The following DIP2C variants were observed in gnomAD, a reference collection of about 807,000 sequenced individuals.
DIP2C encodes DIP2 acetate--CoA ligase C (putative).
DIP2C carries 33 observed loss-of-function variants against 192.4 expected under a neutral mutation model. The observed-to-expected ratio is 0.17, with a 90% CI of 0.13 to 0.23. The LOEUF (loss-of-function observed/expected upper bound fraction) is 0.23, where lower values mean the gene tolerates loss of function less well. Ranked by LOEUF, DIP2C falls within the 10% of genes least tolerant of loss-of-function variation. The pLI, the probability that DIP2C is intolerant of heterozygous loss-of-function variation, is 1.00. For synonymous variants in DIP2C, 979 were observed against 864.1 expected, an observed-to-expected ratio of 1.13 and a Z score of -2.33; for missense variants, 1,537 against 2,110.1, an observed-to-expected ratio of 0.73 and a Z score of 5.32.
intron 34 of DIP2C, among the ~76,000 whole-genome samples, chr10:285,083 G>C (rs548603135): frequency 1.8e-4 from 27 of 149,856 alleles, no homozygotes; most frequent in Middle Eastern, 7.0e-3. Flanking sequence ...CTAAGTGAGA[G>C]CTGCACAGAA....
At chr10:519,749 AAC>A (rs1211362788) in intron 1 of DIP2C, among the ~76,000 whole-genome samples, 1 of 152,214 alleles carries the variant, frequency 6.6e-6, no homozygotes, top group Non-Finnish European at 1.5e-5. Context: ...GCTCATCGCT[AAC>A]ACTTTCTCTG....
chr10:522,895 A>ACGCT (rs1846800018), intron 1 of DIP2C, among the ~76,000 whole-genome samples: 1 of 152,016 alleles, frequency 6.6e-6, no homozygotes. Flanking sequence ...CATGACCAAC[A>ACGCT]CGCTCGTTTC....
intron 1 of DIP2C, among the ~76,000 whole-genome samples, chr10:584,714 G>A (rs12412623): frequency 2.6e-4 from 14 of 54,764 alleles, no homozygotes; most frequent in African/African-American, 2.5e-4. Context: ...CGGGGCCCGC[G>A]ACCTGACCCC....
intron 4 of DIP2C, among the ~76,000 whole-genome samples, chr10:429,673 G>A (rs561339892): frequency 1.3e-5 from 2 of 151,630 alleles, no homozygotes; most frequent in Admixed American, 1.3e-4. Context: ...CTAAGTGAAA[G>A]AAGTCAATTT....
chr10:430,575 TAA>T (rs1966847631), intron 4 of DIP2C: 1 of 152,362 alleles, frequency 6.6e-6, no homozygotes, highest in African/African-American at 2.4e-5. Context: ...ATATTTCAAA[TAA>T]AAGTTATCAT....
At chr10:597,476 G>T (rs1424651788) in intron 1 of DIP2C, among the ~76,000 whole-genome samples, 1 of 152,224 alleles carries the variant, frequency 6.6e-6, no homozygotes, top group East Asian at 1.9e-4. Context: ...GTGGAAAGGT[G>T]AATGGAGACC....
In DIP2C at chr10:384,635, A is replaced by G; in HGVS notation, c.1667T>C (p.Val556Ala). The G allele has an allele frequency of 1.2e-6, 2 of 1,613,824 alleles. No individual in the cohort carries two copies. Among genetic ancestry groups the G allele is most frequent in the Non-Finnish European group, 8.5e-7 (1 of 1,179,998 alleles). Residue 556 changes from valine (V) to alanine (A), a missense_variant, in exon 15 of 37, where the codon GTC becomes GCC. Transcript: ENST00000280886. ...GCTGATCACATGCATCATGTTCATG[A>G]CGCTCTGCAATCAACAAAGGAACAC... ...VGLWHGILTS[V>A]MNMMHVISIP...
At chr10:361,593 G>A (rs948641478) in intron 22 of DIP2C, among the ~76,000 whole-genome samples, 15 of 152,234 alleles carry the variant, frequency 9.9e-5, no homozygotes, top group Non-Finnish European at 2.2e-4. Context: ...GGGTTGCTGG[G>A]TTGAGAGTGT....
chr10:415,628 C>T (rs1414998728), intron 7 of DIP2C, 141 bp downstream of exon 7: 2 of 1,151,006 alleles, frequency 1.7e-6, no homozygotes, highest in Non-Finnish European at 2.5e-6. Context: ...ACATCACCCG[C>T]TCCCTACCTG....
At chr10:366,523 G>C in intron 18 of DIP2C, 112 bp from the exon 19 acceptor site, 1 of 1,441,584 alleles carries the variant, frequency 6.9e-7, no homozygotes, top group South Asian at 1.3e-5. Context: ...ATGGGGTCTG[G>C]AGCAAAACTG....
At chr10:343,080 G>T (rs1564585335) in intron 28 of DIP2C, among the ~76,000 whole-genome samples, 1 of 152,194 alleles carries the variant, frequency 6.6e-6, no homozygotes, top group African/African-American at 2.4e-5. Flanking sequence ...ACAAGGTCAG[G>T]AGATCGAGAA....
intron 3 of DIP2C, among the ~76,000 whole-genome samples, chr10:459,393 C>T (rs912111329): frequency 6.6e-6 from 1 of 152,132 alleles, no homozygotes; most frequent in African/African-American, 2.4e-5. Context: ...CCGGGACATT[C>T]TACTGCAAAG....
chr10:601,775 G>A (rs1425070788), intron 1 of DIP2C, among the ~76,000 whole-genome samples: 1 of 152,220 alleles, frequency 6.6e-6, no homozygotes, highest in East Asian at 1.9e-4. Context: ...GGGGGAACAA[G>A]GCCAGGAGGA....
chr10:368,881 C>G (rs1278029602), intron 18 of DIP2C, among the ~76,000 whole-genome samples: 1 of 152,238 alleles, frequency 6.6e-6, no homozygotes, highest in African/African-American at 2.4e-5. Flanking sequence ...GCCTGTGACC[C>G]CATGAGTTGA....
rs527512078 is a variant in DIP2C, at chr10:587,767, G to A, written c.86-101237C>T. 3.4e-3 allele frequency among the ~76,000 whole-genome samples: 315 copies of A among 91,620 alleles called. 4 individuals carry two copies. The highest frequency in any genetic ancestry group is 0.013 in the African/African-American group (255 of 19,998). The allele number at this position is 91,620 out of a possible 152,430, so 60.1% of individuals were successfully genotyped here. A position where few individuals can be genotyped will look rare whatever the true frequency, so the allele number is the denominator to read the frequency against. On this transcript the variant is annotated intron_variant, in intron 1 of 36. Coordinates refer to ENST00000280886, the MANE Select transcript of DIP2C (RefSeq NM_014974.3). ...GCCACTGCCTCAGCCCTGACCCTGC[G>A]GAAACCCCACATCCACACCAGGCGC... is the stretch of plus-strand genomic sequence containing the variant.
At chr10:390,904 C>G in intron 10 of DIP2C, 41 bp from the exon 11 acceptor site, 2 of 1,606,108 alleles carry the variant, frequency 1.2e-6, no homozygotes, top group Non-Finnish European at 1.7e-6. Flanking sequence ...CCACGACCTG[C>G]CCCACTCCGC....
intron 28 of DIP2C, among the ~76,000 whole-genome samples, chr10:343,715 G>T (rs1458185882): frequency 6.6e-6 from 1 of 152,174 alleles, no homozygotes; most frequent in Non-Finnish European, 1.5e-5. Flanking sequence ...CACCCACTCA[G>T]ATCAGCAACT....
At chr10:539,065 G>A (rs1019470385) in intron 1 of DIP2C, among the ~76,000 whole-genome samples, 3 of 152,184 alleles carry the variant, frequency 2.0e-5, no homozygotes, top group South Asian at 4.2e-4. Context: ...GTCTGTTCAC[G>A]TCATTCCGTG....
At chr10:450,035 C>T (rs140264193) in intron 3 of DIP2C, among the ~76,000 whole-genome samples, 14 of 152,140 alleles carry the variant, frequency 9.2e-5, no homozygotes, top group African/African-American at 3.4e-4. Context: ...AGGAATCTCA[C>T]CATCTCGAAT....
Sources: gnomAD v4.1 joint callset for allele counts (sites outside exome capture counted in the v4.1 genomes callset) on GRCh38, gnomAD v4.1.1 for gene constraint, MANE v1.5 for transcripts, NCBI Gene and HGNC (gene_info 2026-07-23, HGNC 2026-07-21) for gene names.